TG: variants seen among roughly 807,000 people sequenced by gnomAD.
TG encodes the protein thyroglobulin.
In TG, 270 loss-of-function variants were observed where a neutral mutation model predicts 324.7. The ratio of observed to expected loss-of-function variants is 0.83; its 90% CI spans 0.75 to 0.92. The LOEUF (loss-of-function observed/expected upper bound fraction) is 0.92. TG is among the 40% of genes least tolerant of loss of function. The pLI is 0.00. For missense variants in TG, 3,591 were observed against 3,456.4 expected (o/e 1.04, Z -0.98); for synonymous variants, 1,401 against 1,327.0 (o/e 1.06, Z -1.21).
intron 34 of TG, among the ~76,000 whole-genome samples, chr8:132,973,899 ACTTAGCACTTG>A (rs1403370139): frequency 6.6e-6 from 1 of 151,628 alleles, no homozygotes; most frequent in African/African-American, 2.4e-5. Context: ...TCTGGCTCTT[ACTTAGCACTTG>A]CCCTAGAAAA....
intron 27 of TG, among the ~76,000 whole-genome samples, chr8:132,959,987 T>C (rs1827513682): frequency 6.6e-6 from 1 of 152,196 alleles, no homozygotes; most frequent in Non-Finnish European, 1.5e-5. Context: ...AACCCATGAC[T>C]GTATTCTCTC....
At chr8:133,040,077 T>A in intron 41 of TG, 1 of 1,560,620 alleles carries the variant, frequency 6.4e-7, no homozygotes, top group Non-Finnish European at 8.7e-7. Context: ...GGGGCAGCCG[T>A]GCTTTGTGTC....
chr8:132,933,828 T>C (rs1365936622), intron 24 of TG, 152 bp downstream of exon 24: 5 of 748,014 alleles, frequency 6.7e-6, no homozygotes, highest in Non-Finnish European at 1.2e-5. Context: ...AATGGGACTT[T>C]GGCAAATTGA....
intron 29 of TG, among the ~76,000 whole-genome samples, chr8:132,963,670 A>AGTGT (rs57531255): frequency 0.068 from 9,903 of 145,054 alleles, 689 homozygotes; most frequent in African/African-American, 0.19. Context: ...TGTGGTCTGC[A>AGTGT]GTGTGTGTGT....
At chr8:133,041,784 GTTT>G (rs529937626) in intron 41 of TG, among the ~76,000 whole-genome samples, 186 of 124,384 alleles carry the variant, frequency 1.5e-3, no homozygotes, top group African/African-American at 2.8e-3. Flanking sequence ...CTTGTGGTCA[GTTT>G]TTTTTTTTTT....
At chr8:133,001,683 C>T (rs977653476) in intron 35 of TG, 25 of 916,804 alleles carry the variant, frequency 2.7e-5, no homozygotes, top group African/African-American at 7.2e-5. Flanking sequence ...GACAGGGAGA[C>T]GTGAGCTGGG....
intron 44 of TG, 42 bp from the exon 45 acceptor site, chr8:133,116,567 G>A (rs1312411416): frequency 2.5e-6 from 4 of 1,576,954 alleles, no homozygotes; most frequent in Non-Finnish European, 3.5e-6. Flanking sequence ...GGCCCATAGA[G>A]CCATGTTTAA....
At chr8:133,036,366 A>G (rs543030945) in intron 41 of TG, among the ~76,000 whole-genome samples, 8 of 152,316 alleles carry the variant, frequency 5.3e-5, no homozygotes, top group South Asian at 4.1e-4. Flanking sequence ...AGCAGTGTCT[A>G]TTTAGTAGGT....
At chr8:133,032,061 G>A (rs1378069348) in intron 41 of TG, among the ~76,000 whole-genome samples, 5 of 152,088 alleles carry the variant, frequency 3.3e-5, no homozygotes, top group African/African-American at 7.2e-5. Context: ...TGCTCTCCAC[G>A]GGACCCCGAG....
At position 133,133,594 on chromosome 8, in the gene TG, C is replaced by T. The variant is rs745673880; in HGVS notation, c.8122C>T (p.Gln2708Ter). The T allele has an allele frequency of 6.2e-7, 1 of 1,614,240 alleles. No homozygotes were observed. Among genetic ancestry groups the T allele is most frequent in the South Asian group, 1.1e-5 (1 of 91,090 alleles). The part of the protein sequence containing the change: ...KEFSELLPNR[Q>*]GLKKADCSFW... ...GTTCAGTGAGCTGCTCCCCAATCGACAGGGCCTGAAGAAAGCCGACTGCTC... is the reference window on the plus strand; with the variant it reads ...GTTCAGTGAGCTGCTCCCCAATCGATAGGGCCTGAAGAAAGCCGACTGCTC... The change falls in exon 47 of 48, where the codon CAG (glutamine) becomes TAG (stop). Residue 2708 changes from glutamine to a stop codon, truncating the protein, a stop_gained. Coordinates refer to ENST00000220616, the MANE Select transcript of TG (RefSeq NM_003235.5). LOFTEE classifies it high-confidence loss of function.
intron 41 of TG, among the ~76,000 whole-genome samples, chr8:133,040,532 G>T (rs542373853): frequency 6.6e-6 from 1 of 152,286 alleles, no homozygotes; most frequent in Non-Finnish European, 1.5e-5. Flanking sequence ...AGGGTTTCCC[G>T]CAAATGCCCA....
At chr8:133,043,940 G>T (rs892162024) in intron 41 of TG, among the ~76,000 whole-genome samples, 1 of 152,190 alleles carries the variant, frequency 6.6e-6, no homozygotes, top group Non-Finnish European at 1.5e-5. Context: ...GCAATGTTCC[G>T]CTGGGTAAAA....
intron 41 of TG, among the ~76,000 whole-genome samples, chr8:133,033,925 C>G (rs145989194): frequency 1.6e-4 from 24 of 152,252 alleles, no homozygotes; most frequent in African/African-American, 4.8e-4. Context: ...GAGTTTAATC[C>G]GCTTAGTGTT....
chr8:133,100,619 C>G (rs1264013995), intron 43 of TG, among the ~76,000 whole-genome samples: 1 of 152,106 alleles, frequency 6.6e-6, no homozygotes, highest in East Asian at 1.9e-4. Flanking sequence ...AGAGAGAAAC[C>G]AGAATTAAAA....
At position 132,882,871 on chromosome 8, in the gene TG, T is replaced by C. The variant is rs760420912; in HGVS notation, c.947T>C (p.Val316Ala). ...GCAACCAGCTTTGGTCACCCCTATG[T>C]TCCAAGCTGCCGCCGAAATGGCGAC... is the stretch of plus-strand genomic sequence containing the variant. Reference protein sequence around the residue: ...FTATSFGHPYVPSCRRNGDYQ... With the variant: ...FTATSFGHPYAPSCRRNGDYQ... Residue 316 changes from valine to alanine, a missense_variant, in exon 8 of 48, where the codon GTT becomes GCT. Val to Ala is a moderately conservative substitution (Grantham distance 64, BLOSUM62 0). Coordinates refer to ENST00000220616, the MANE Select transcript of TG (RefSeq NM_003235.5). 8 of 1,614,082 alleles carry C rather than the reference T, an allele frequency of 5.0e-6. No homozygotes were observed. The highest frequency in any genetic ancestry group is 1.6e-4 in the Middle Eastern group (1 of 6,084).
intron 46 of TG, 30 bp from the exon 47 acceptor site, chr8:133,133,440 A>C: frequency 6.2e-7 from 1 of 1,607,364 alleles, no homozygotes; most frequent in Non-Finnish European, 8.5e-7. Context: ...AATTTCCCTC[A>C]TGGATATTTC....
intron 20 of TG, among the ~76,000 whole-genome samples, chr8:132,918,155 G>T (rs143937289): frequency 6.6e-6 from 1 of 152,074 alleles, no homozygotes; most frequent in Non-Finnish European, 1.5e-5. Context: ...GGAGAGAACC[G>T]GTGGGAGGAA....
intron 41 of TG, among the ~76,000 whole-genome samples, chr8:133,057,022 A>T (rs1303647886): frequency 6.6e-6 from 1 of 152,124 alleles, no homozygotes; most frequent in Non-Finnish European, 1.5e-5. Flanking sequence ...TGCGAAGACC[A>T]CTTACTGAGA....
chr8:132,880,705 A>G (rs1195655960), intron 5 of TG, among the ~76,000 whole-genome samples: 1 of 152,220 alleles, frequency 6.6e-6, no homozygotes, highest in Admixed American at 6.5e-5. Context: ...AGCAATTACT[A>G]CACCACACAT....
Sources: gnomAD v4.1 joint callset for allele counts (sites outside exome capture counted in the v4.1 genomes callset) on GRCh38, gnomAD v4.1.1 for gene constraint, MANE v1.5 for transcripts, NCBI Gene and HGNC (gene_info 2026-07-23, HGNC 2026-07-21) for gene names.